Variants in JAG2 observed in about 807,000 individuals in gnomAD.
JAG2 encodes the protein protein jagged-2.
A neutral mutation model predicts 141.7 loss-of-function variants in JAG2; 46 were observed. The observed-to-expected ratio is 0.32, with a 90% confidence interval of 0.26 to 0.42. The LOEUF is 0.42. JAG2 is among the 10% of genes least tolerant of loss of function. JAG2 has a pLI of 1.00. For synonymous variants in JAG2, 862 were observed against 763.5 expected, an observed-to-expected ratio of 1.13 and a Z score of -2.13; for missense variants, 1,500 against 1,817.5, an observed-to-expected ratio of 0.83 and a Z score of 3.18.
intron 8 of JAG2, 81 bp from the exon 9 acceptor site, chr14:105,151,477 C>G (rs1425283863): frequency 1.3e-5 from 18 of 1,400,360 alleles, no homozygotes; most frequent in Admixed American, 1.9e-5. Context: ...GCGCTGCAAG[C>G]CTGGGTCTTC....
chr14:105,142,817 G>A lies in JAG2; in HGVS notation c.3595C>T (p.His1199Tyr). Residue 1199 changes from histidine (H) to tyrosine (Y), a missense_variant, in exon 26 of 26, where the codon CAC becomes TAC. Transcript: ENST00000331782. The stretch of plus-strand genomic sequence containing the variant: ...CGGCCAGGATCTTTGGTGAATTTGT[G>A]TGAGAGGAACTTCTCCGCCTCCAGG... ...DSLEAEKFLS[H>Y]KFTKDPGRSP... The A allele has an allele frequency of 6.2e-7, 1 of 1,610,950 alleles. No homozygotes were observed. Among genetic ancestry groups the A allele is most frequent in the African/African-American group, 1.3e-5 (1 of 75,022 alleles).
In JAG2 at chr14:105,146,983, G is replaced by A. The variant is rs587607316; in HGVS notation, c.2480-259C>T. On this transcript the variant is annotated intron_variant, in intron 20 of 25. Transcript: ENST00000331782. ...CTGGATTAGCCCCAGCTGCTGCGTC[G>A]GACCAGCCAAGGGGTGCTGGACAGA... 958 of 620,630 alleles carry A rather than the reference G, an allele frequency of 1.5e-3. 6 individuals are homozygous for A. The highest frequency in any genetic ancestry group is 0.013 in the African/African-American group (732 of 55,266). 38.4% of individuals were successfully genotyped at this position (620,630 alleles called of 1,614,324 possible). A position where few individuals can be genotyped will look rare whatever the true frequency, so the allele number is the denominator to read the frequency against.
Position 105,154,576 on chromosome 14 carries a change from A to G in JAG2, c.788+986T>C, listed in dbSNP as rs1436622594. ...TGGACTTGGCTGTAAGACCCCGGAC[A>G]CTCCCTTGTGGAGGCCCTTGCTGAC... On this transcript the variant is annotated intron_variant, in intron 5 of 25. Coordinates refer to ENST00000331782, the MANE Select transcript of JAG2 (RefSeq NM_002226.5). This position sits in a 1 kb window ranked among gnomAD's most constrained non-coding sequence, Gnocchi z 4.4. 6.6e-6 allele frequency among the ~76,000 whole-genome samples: 1 copy of G among 151,664 alleles called. No homozygotes were observed. Among genetic ancestry groups the G allele is most frequent in the Non-Finnish European group, 1.5e-5 (1 of 67,882 alleles).
Position 105,167,772 on chromosome 14 carries a change from G to A in JAG2, c.402C>T (p.Phe134=), listed in dbSNP as rs587595148. 4.1e-5 allele frequency: 60 copies of A among 1,462,482 alleles called. No homozygotes were observed. In the African/African-American group the frequency reaches 8.0e-4, roughly 19 times the overall value. 90.6% of individuals were successfully genotyped at this position (1,462,482 alleles called of 1,614,324 possible). ...DQDPGLVVIP[F]QFAWPRSFTL... ...GCGCACGTACCGGCCAGGCGAACTG[G>A]AAGGGGATGACGACGAGGCCCGGGT... Residue 134 remains phenylalanine, a synonymous_variant, in exon 2 of 26, where the codon TTC becomes TTT. Transcript: ENST00000331782. The surrounding 1 kb of genome is among the most constrained non-coding windows in gnomAD (Gnocchi z 4.8).
chr14:105,148,615 G>A, intron 15 of JAG2, 130 bp downstream of exon 15: 1 of 946,788 alleles, frequency 1.1e-6, no homozygotes, highest in Non-Finnish European at 1.6e-6. Flanking sequence ...ACCCCATGGT[G>A]GCAGCACCCC....
At chr14:105,145,523 C>T (rs587687530) in intron 23 of JAG2, among the ~76,000 whole-genome samples, 21 of 152,362 alleles carry the variant, frequency 1.4e-4, no homozygotes, top group Admixed American at 1.2e-3. Context: ...CCCCAGCTGG[C>T]TGCTCTCCCA....
intron 3 of JAG2, among the ~76,000 whole-genome samples, chr14:105,156,520 G>A (rs587722939): frequency 6.6e-6 from 1 of 151,904 alleles, no homozygotes; most frequent in East Asian, 1.9e-4. Context: ...CCCCAAGACA[G>A]GCATAGGTCC....
chr14:105,146,831 G>A (rs1204209701), intron 20 of JAG2, 107 bp from the exon 21 acceptor site: 5 of 890,226 alleles, frequency 5.6e-6, no homozygotes, highest in African/African-American at 3.3e-5. Context: ...GCAAGCCCCA[G>A]GACAATGAGG....
chr14:105,150,583 G>A (rs1317419734), intron 12 of JAG2, 21 bp downstream of exon 12: 1 of 1,542,634 alleles, frequency 6.5e-7, no homozygotes, highest in Non-Finnish European at 8.8e-7. Context: ...AGGTGGGGCA[G>A]GGTGACCAGG....
intron 20 of JAG2, 86 bp from the exon 21 acceptor site, chr14:105,146,810 G>C (rs1888239294): frequency 9.3e-7 from 1 of 1,073,204 alleles, no homozygotes; most frequent in East Asian, 2.6e-5. Context: ...GGGAGCCAGT[G>C]GCACACAGGC....
chr14:105,166,466 C>T (rs908514560), intron 2 of JAG2, among the ~76,000 whole-genome samples: 6 of 152,248 alleles, frequency 3.9e-5, no homozygotes, highest in African/African-American at 1.4e-4. Context: ...CCATGCCCGC[C>T]CCTGCCTTTT....
At position 105,142,890 on chromosome 14, in the gene JAG2, G is replaced by A; in HGVS notation, c.3522C>T (p.Val1174=). The A allele has an allele frequency of 1.2e-6, 2 of 1,600,858 alleles. No individual in the cohort carries two copies. The highest frequency in any genetic ancestry group is 1.7e-6 in the Non-Finnish European group (2 of 1,173,832). Residue 1174 remains valine, a synonymous_variant, in exon 26 of 26, where the codon GTC becomes GTT. Coordinates refer to ENST00000331782, the MANE Select transcript of JAG2 (RefSeq NM_002226.5). ...GATCCTCGTCCTCCTCATCCTCCCTGACGGCCGCGTGGCCGGCCGGCCCGG... is the reference window on the plus strand; with the variant it reads ...GATCCTCGTCCTCCTCATCCTCCCTAACGGCCGCGTGGCCGGCCGGCCCGG... ...ALPGPAGHAA[V]REDEEDEDLG...
chr14:105,159,284 C>T (rs1021695830), intron 2 of JAG2, among the ~76,000 whole-genome samples: 1 of 152,068 alleles, frequency 6.6e-6, no homozygotes, highest in Non-Finnish European at 1.5e-5. Flanking sequence ...CGAGGAGGCT[C>T]ACCCAGGTAG....
Position 105,141,089 on chromosome 14 carries a change from C to T in JAG2, c.*1606G>A, listed in dbSNP as rs1025039361. The stretch of plus-strand genomic sequence containing the variant: ...CAGGACTTTTTTTTTCTCTTTTGTA[C>T]AGATCTGGTTCTTGGCTTTGCTCCT... On this transcript the variant is annotated 3_prime_UTR_variant, in exon 26 of 26. Transcript: ENST00000331782. The T allele has an allele frequency of 6.6e-6, 1 of 152,166 alleles. No individual in the cohort carries two copies. Among genetic ancestry groups the T allele is most frequent in the African/African-American group, 2.4e-5 (1 of 41,418 alleles). 9.4% of individuals were successfully genotyped at this position (152,166 alleles called of 1,614,324 possible).
chr14:105,158,473 C>G (rs1397629283), intron 2 of JAG2, among the ~76,000 whole-genome samples: 1 of 152,148 alleles, frequency 6.6e-6, no homozygotes, highest in Non-Finnish European at 1.5e-5. Context: ...CCCTCTGCCC[C>G]CGGGCCACCT....
Position 105,148,830 on chromosome 14 carries a change from G to T in JAG2, c.1935C>A (p.Cys645Ter). ...CATCGATGCATGTGCCCCCATTGCGGCAGGGCTGGCCCAGGCAGTCGTCAA... is the reference window on the plus strand; with the variant it reads ...CATCGATGCATGTGCCCCCATTGCGTCAGGGCTGGCCCAGGCAGTCGTCAA... Reference protein sequence around the residue: ...ENIDDCLGQPCRNGGTCIDEV... With the variant: ...ENIDDCLGQP The change falls in exon 15 of 26, where the codon TGC becomes TGA. Residue 645 changes from cysteine (C) to a stop codon, truncating the protein, a stop_gained. Coordinates refer to ENST00000331782, the MANE Select transcript of JAG2 (RefSeq NM_002226.5). LOFTEE classifies it high-confidence loss of function. The T allele has an allele frequency of 6.3e-7, 1 of 1,595,940 alleles. No individual in the cohort carries two copies. The highest frequency in any genetic ancestry group is 8.5e-7 in the Non-Finnish European group (1 of 1,171,966).
At chr14:105,153,255 C>T (rs1049693787) in intron 5 of JAG2, among the ~76,000 whole-genome samples, 1 of 152,254 alleles carries the variant, frequency 6.6e-6, no homozygotes, top group African/African-American at 2.4e-5. Flanking sequence ...CACCGAAGGC[C>T]TATCAGCCCA....
At chr14:105,157,923 C>T in intron 2 of JAG2, 160 bp from the exon 3 acceptor site, 2 of 716,640 alleles carry the variant, frequency 2.8e-6, no homozygotes, top group Non-Finnish European at 4.9e-6. Flanking sequence ...CCTCAGGCCA[C>T]ATCCTCTGCA....
chr14:105,143,518 T>C lies in JAG2; in HGVS notation c.3205A>G (p.Lys1069Glu). The C allele has an allele frequency of 6.3e-7, 1 of 1,578,322 alleles. No individual in the cohort carries two copies. The highest frequency in any genetic ancestry group is 1.2e-5 in the South Asian group (1 of 86,280). The change falls in exon 25 of 26, where the codon AAG (lysine) becomes GAG (glutamate). Residue 1069 changes from lysine (K) to glutamate (E), a missense_variant. Coordinates refer to ENST00000331782, the MANE Select transcript of JAG2 (RefSeq NM_002226.5). ...SSLLLAVTEV[K>E]VETVVTGGSS... The stretch of plus-strand genomic sequence containing the variant: ...CCGCCCGTAACAACCGTCTCCACCT[T>C]GACCTCGGTGACAGCCAGGAGCAGT...
Sources: gnomAD v4.1 joint callset for allele counts (sites outside exome capture counted in the v4.1 genomes callset) on GRCh38, gnomAD v4.1.1 for gene constraint, Gnocchi (gnomAD v3.1) non-coding constraint, MANE v1.5 for transcripts, NCBI Gene and HGNC (gene_info 2026-07-23, HGNC 2026-07-21) for gene names.